Variants in VWA8 observed in about 807,000 individuals in gnomAD.
The protein encoded by VWA8 is von Willebrand factor A domain containing 8.
Under a neutral mutation model 241.5 loss-of-function variants are expected in VWA8, and 221 were observed. The observed-to-expected ratio is 0.91, with a 90% CI of 0.82 to 1.02. VWA8 has a LOEUF of 1.02. VWA8 is among the 50% of genes least tolerant of loss of function. The pLI is 0.00. For synonymous variants in VWA8, 852 were observed against 827.1 expected (o/e 1.03, Z -0.52); for missense variants, 2,322 against 2,328.7 (o/e 1.00, Z 0.06).
intron 21 of VWA8, among the ~76,000 whole-genome samples, chr13:41,732,404 T>G (rs2045491861): frequency 6.6e-6 from 1 of 152,022 alleles, no homozygotes. Context: ...TCTTTACTTC[T>G]GTTTTTCTTT....
intron 37 of VWA8, among the ~76,000 whole-genome samples, chr13:41,649,991 T>C (rs1446795686): frequency 6.6e-6 from 1 of 152,224 alleles, no homozygotes; most frequent in Non-Finnish European, 1.5e-5. Context: ...GTTATGAACC[T>C]AGTATTAGCC....
chr13:41,593,687 TCA>T (rs543557645), intron 40 of VWA8, among the ~76,000 whole-genome samples: 10 of 152,220 alleles, frequency 6.6e-5, no homozygotes, highest in Non-Finnish European at 1.3e-4. Context: ...TTATGTACCT[TCA>T]GTCTTCACAT....
chr13:41,571,803 C>T (rs1478700281), intron 43 of VWA8, among the ~76,000 whole-genome samples: 2 of 152,164 alleles, frequency 1.3e-5, no homozygotes, highest in African/African-American at 4.8e-5. Flanking sequence ...CTCTGCCTGG[C>T]CGCCCATCGT....
chr13:41,756,385 A>G (rs775138395), intron 21 of VWA8, among the ~76,000 whole-genome samples: 1 of 151,796 alleles, frequency 6.6e-6, no homozygotes, highest in East Asian at 1.9e-4. Flanking sequence ...TGACTGAGGC[A>G]GTTCAGCCTA....
Position 41,614,964 on chromosome 13 carries a change from T to C in VWA8, c.4720+12A>G, listed in dbSNP as rs772131214. The C allele has an allele frequency of 1.2e-6, 2 of 1,612,584 alleles. No homozygotes were observed. Among genetic ancestry groups the C allele is most frequent in the Non-Finnish European group, 8.5e-7 (1 of 1,179,836 alleles). ...GGGAAGGCTGACTCAGGAGAATGCC[T>C]GTGCTACCAACCTGTTCCGCCAGCC... On this transcript the variant is annotated intron_variant, in intron 38 of 44. Transcript: ENST00000379310.
At chr13:41,670,841 C>A (rs1345745290) in intron 37 of VWA8, 105 bp downstream of exon 37, 24 of 1,283,268 alleles carry the variant, frequency 1.9e-5, no homozygotes, top group Non-Finnish European at 2.5e-5. Context: ...CTTTAAGCAA[C>A]TATTTTTGAG....
intron 18 of VWA8, among the ~76,000 whole-genome samples, chr13:41,784,737 C>CAT (rs772223346): frequency 0.14 from 9,883 of 72,152 alleles, 903 homozygotes; most frequent in Non-Finnish European, 0.18. Context: ...TATACACACA[C>CAT]ATATATATAT....
At position 41,675,219 on chromosome 13, in the gene VWA8, G is replaced by A; in HGVS notation, c.4405C>T (p.Pro1469Ser). Residue 1469 changes from proline to serine, a missense_variant, in exon 36 of 45, where the codon CCC (proline) becomes TCC (serine). Coordinates refer to ENST00000379310, the MANE Select transcript of VWA8 (RefSeq NM_015058.2). ...QSKKLRYIPIPRSESLSPYTT... is the reference protein window; with the variant it reads ...QSKKLRYIPISRSESLSPYTT... ...AACAAAGGTGAAATGGATTACCTGG[G>A]AATAGGGATATATCGGAGTTTCTTT... 1 of 1,609,024 alleles carries A rather than the reference G, an allele frequency of 6.2e-7. No individual in the cohort carries two copies. Among genetic ancestry groups the A allele is most frequent in the Admixed American group, 1.7e-5 (1 of 59,850 alleles).
intron 37 of VWA8, among the ~76,000 whole-genome samples, chr13:41,647,470 G>T (rs997923871): frequency 1.3e-4 from 20 of 151,974 alleles, no homozygotes; most frequent in Admixed American, 4.6e-4. Context: ...AAAATAAAAA[G>T]AATTTTAAAA....
intron 12 of VWA8, among the ~76,000 whole-genome samples, chr13:41,862,853 G>A (rs1035804365): frequency 2.0e-5 from 3 of 152,138 alleles, no homozygotes; most frequent in Admixed American, 6.6e-5. Flanking sequence ...CAGCCACTGT[G>A]GAAAGCAGTT....
rs373612723 is a variant in VWA8 at position 41,618,451 on chromosome 13, T to C, written c.4612-3367A>G. Among the ~76,000 whole-genome samples the C allele has an allele frequency of 5.8e-4, 88 of 152,340 alleles. No homozygotes were observed. The East Asian group carries it at 7.7e-3, about 13-fold the overall frequency. On this transcript the variant is annotated intron_variant, in intron 37 of 44. Transcript: ENST00000379310. ...CCTGTTCACTCTGATGGTAGTTTCTTTTGCTGTGCAGAAGCTCTTTAGTTT... is the reference window on the plus strand; with the variant it reads ...CCTGTTCACTCTGATGGTAGTTTCTCTTGCTGTGCAGAAGCTCTTTAGTTT...
chr13:41,912,301 A>G (rs1876048704), intron 2 of VWA8, 133 bp from the exon 3 acceptor site: 1 of 644,974 alleles, frequency 1.6e-6, no homozygotes, highest in Non-Finnish European at 2.2e-6. Context: ...ATTTATAAAC[A>G]TATGTATATA....
intron 20 of VWA8, among the ~76,000 whole-genome samples, chr13:41,771,836 C>T (rs2045825561): frequency 1.3e-5 from 2 of 151,632 alleles, no homozygotes; most frequent in South Asian, 4.2e-4. Flanking sequence ...CCCACCTTGG[C>T]CTCCCAAAAT....
chr13:41,900,854 G>A (rs752754505), intron 4 of VWA8, among the ~76,000 whole-genome samples: 4 of 152,198 alleles, frequency 2.6e-5, no homozygotes, highest in Non-Finnish European at 4.4e-5. Flanking sequence ...TACATTTCAA[G>A]TTCTTCATTT....
chr13:41,828,835 A>G (rs1041515989), intron 14 of VWA8, among the ~76,000 whole-genome samples: 1 of 152,194 alleles, frequency 6.6e-6, no homozygotes, highest in African/African-American at 2.4e-5. Flanking sequence ...AACATAGTCC[A>G]TATTTAAACT....
At chr13:41,685,298 A>T (rs983594713) in intron 34 of VWA8, 56 bp from the exon 35 acceptor site, 1 of 1,504,702 alleles carries the variant, frequency 6.6e-7, no homozygotes, top group African/African-American at 1.4e-5. Flanking sequence ...ATTCACCACA[A>T]CCTTAACAAC....
At chr13:41,813,547 C>A (rs1418803061) in intron 16 of VWA8, among the ~76,000 whole-genome samples, 1 of 152,076 alleles carries the variant, frequency 6.6e-6, no homozygotes, top group East Asian at 1.9e-4. Flanking sequence ...TTATAAGAGT[C>A]CTGTTAAACC....
chr13:41,789,568 G>A (rs1253138238), intron 17 of VWA8, among the ~76,000 whole-genome samples: 2 of 152,174 alleles, frequency 1.3e-5, no homozygotes, highest in Non-Finnish European at 2.9e-5. Flanking sequence ...AAAAAGAGAA[G>A]TATAGTAGTT....
intron 16 of VWA8, among the ~76,000 whole-genome samples, chr13:41,814,114 T>C (rs1008961244): frequency 1.7e-4 from 26 of 152,262 alleles, no homozygotes; most frequent in African/African-American, 6.0e-4. Flanking sequence ...CTAGGGACAA[T>C]CTGTTAATAA....
Sources: allele counts gnomAD v4.1 joint callset (sites outside exome capture counted in the v4.1 genomes callset), GRCh38; gene constraint gnomAD v4.1.1; transcripts MANE v1.5; gene names NCBI Gene and HGNC (gene_info 2026-07-23, HGNC 2026-07-21).